Variants in ITGB6 observed in about 807,000 individuals in gnomAD.
ITGB6 encodes the protein integrin beta-6.
A neutral mutation model predicts 84.5 loss-of-function variants in ITGB6; 80 were observed. The observed-to-expected ratio is 0.95, with a 90% confidence interval of 0.79 to 1.14. The LOEUF is 1.14. Ranked by LOEUF, ITGB6 falls within the 50% of genes most tolerant of loss-of-function variation. ITGB6 has a pLI of 0.00. For synonymous variants in ITGB6, 383 were observed against 354.9 expected, an observed-to-expected ratio of 1.08 and a Z score of -0.89; for missense variants, 1,006 against 968.0, an observed-to-expected ratio of 1.04 and a Z score of -0.52.
chr2:160,197,804 T>G (rs1686401836), intron 2 of ITGB6, among the ~76,000 whole-genome samples: 1 of 152,234 alleles, frequency 6.6e-6, no homozygotes, highest in Non-Finnish European at 1.5e-5. Context: ...CCTCTATTCA[T>G]AGCCTTTGCC....
At chr2:160,159,561 A>G (rs1342267972) in intron 7 of ITGB6, among the ~76,000 whole-genome samples, 1 of 152,108 alleles carries the variant, frequency 6.6e-6, no homozygotes, top group Non-Finnish European at 1.5e-5. Flanking sequence ...TTCAAGATTG[A>G]AGGGTCTGGT....
At chr2:160,193,735 T>A (rs1021289248) in intron 4 of ITGB6, among the ~76,000 whole-genome samples, 3 of 152,308 alleles carry the variant, frequency 2.0e-5, no homozygotes, top group Admixed American at 1.3e-4. Flanking sequence ...ATTCTTGGAC[T>A]GTGAACATAA....
chr2:160,130,609 C>A lies in ITGB6; in HGVS notation c.1661-4008G>T, dbSNP rs73012621. Reference sequence around the variant, plus strand: ...GATATATTTCAACTGTGTTTCATAACCTATACAATTTATAATTGACATAAT... The same window carrying A: ...GATATATTTCAACTGTGTTTCATAAACTATACAATTTATAATTGACATAAT... On this transcript the variant is annotated intron_variant, in intron 10 of 14. Coordinates refer to ENST00000283249, the MANE Select transcript of ITGB6 (RefSeq NM_000888.5). Among the ~76,000 whole-genome samples the A allele has an allele frequency of 8.8e-3, 1,334 of 152,160 alleles. 19 individuals carry two copies. The highest frequency in any genetic ancestry group is 0.03 in the African/African-American group (1,264 of 41,484).
chr2:160,130,178 G>A (rs917443286), intron 10 of ITGB6, among the ~76,000 whole-genome samples: 1 of 152,014 alleles, frequency 6.6e-6, no homozygotes, highest in Admixed American at 6.6e-5. Flanking sequence ...ACACCACGGT[G>A]AGCATTTGTG....
chr2:160,142,713 CA>C (rs752992289), intron 7 of ITGB6, among the ~76,000 whole-genome samples: 47 of 152,258 alleles, frequency 3.1e-4, no homozygotes, highest in Non-Finnish European at 5.3e-4. Flanking sequence ...TCTTTACCCA[CA>C]GTGTTTTTTC....
intron 7 of ITGB6, among the ~76,000 whole-genome samples, chr2:160,144,065 G>T (rs1310011617): frequency 6.6e-6 from 1 of 152,128 alleles, no homozygotes. Flanking sequence ...TAGAGACAAG[G>T]TCTCACTCTG....
chr2:160,161,045 T>C (rs1380381054), intron 7 of ITGB6, among the ~76,000 whole-genome samples: 3 of 152,146 alleles, frequency 2.0e-5, no homozygotes, highest in Admixed American at 6.6e-5. Flanking sequence ...GTCCTATTAA[T>C]ATAAAAAAGT....
At chr2:160,162,120 C>T (rs895392203) in intron 7 of ITGB6, among the ~76,000 whole-genome samples, 1 of 152,128 alleles carries the variant, frequency 6.6e-6, no homozygotes. Flanking sequence ...GCAGATGAAC[C>T]AATAGATAAA....
intron 12 of ITGB6, among the ~76,000 whole-genome samples, chr2:160,121,115 A>T: frequency 6.6e-6 from 1 of 152,164 alleles, no homozygotes. Flanking sequence ...TGCACCACTG[A>T]GTCAAGATGG....
rs1357163436 is a variant in ITGB6 at position 160,200,167 on chromosome 2, C to T, written c.-104G>A. On this transcript the variant is annotated 5_prime_UTR_variant, in exon 1 of 15. The change abolishes an upstream ATG in the 5' untranslated region. Transcript: ENST00000283249. ...AAAGTCTTTCTTTCTTGAAGTATAA[C>T]ATTTTAAATACTACTTACACTGCTT... is the stretch of plus-strand genomic sequence containing the variant. 5 of 868,960 alleles carry T rather than the reference C, an allele frequency of 5.8e-6. No homozygotes were observed. Among genetic ancestry groups the T allele is most frequent in the Non-Finnish European group, 9.3e-6 (5 of 535,126 alleles). The allele number at this position is 868,960 out of a possible 1,614,324, so 53.8% of individuals were successfully genotyped here.
rs181737180 is a variant in ITGB6 at position 160,137,859 on chromosome 2, A to T, written c.1243-8T>A. The T allele has an allele frequency of 8.7e-6, 14 of 1,611,502 alleles. No homozygotes were observed. Among genetic ancestry groups the T allele is most frequent in the Non-Finnish European group, 1.1e-5 (13 of 1,178,018 alleles). On this transcript the variant is annotated splice_polypyrimidine_tract_variant and splice_region_variant and intron_variant, in intron 9 of 14. Transcript: ENST00000283249. ...AGTCACGCTGAAGGAAGCCTGGAAA[A>T]GAAAATACTAATTATCTCCCTCCAT...
chr2:160,158,343 C>G (rs112480045), intron 7 of ITGB6, among the ~76,000 whole-genome samples: 1 of 152,120 alleles, frequency 6.6e-6, no homozygotes, highest in Admixed American at 6.6e-5. Flanking sequence ...AGCGAGTGCT[C>G]GGCAGCAGTA....
intron 7 of ITGB6, among the ~76,000 whole-genome samples, chr2:160,153,350 T>C (rs947282780): frequency 2.6e-5 from 4 of 152,230 alleles, no homozygotes; most frequent in Admixed American, 2.6e-4. Context: ...GGATTCCCTA[T>C]TTAATAAATG....
At position 160,172,445 on chromosome 2, in the gene ITGB6, A is replaced by T. The variant is rs537268289; in HGVS notation, c.921+124T>A. Reference sequence around the variant, plus strand: ...AGAATCGAGCTGGGGCAACTTGTTAATCCCACATTAGAAAATGTGCACTGC... The same window carrying T: ...AGAATCGAGCTGGGGCAACTTGTTATTCCCACATTAGAAAATGTGCACTGC... On this transcript the variant is annotated intron_variant, in intron 6 of 14. Transcript: ENST00000283249. 1,101 of 944,274 alleles carry T rather than the reference A, an allele frequency of 1.2e-3. 5 individuals are homozygous for T. The highest frequency in any genetic ancestry group is 2.8e-3 in the South Asian group (122 of 43,858). 58.5% of individuals were successfully genotyped at this position (944,274 alleles called of 1,614,324 possible).
chr2:160,111,093 C>T (rs77820689), intron 13 of ITGB6, among the ~76,000 whole-genome samples: 3,027 of 126,572 alleles, frequency 0.024, 42 homozygotes, highest in East Asian at 0.041. Flanking sequence ...GAACAGACAA[C>T]AGCTCAGTAA....
intron 5 of ITGB6, 91 bp from the exon 6 acceptor site, chr2:160,172,821 TA>T: frequency 1.1e-6 from 1 of 940,336 alleles, no homozygotes; most frequent in Non-Finnish European, 1.6e-6. Context: ...ATTTAGGTTA[TA>T]AAAATAATAT....
chr2:160,194,155 T>TCAAAA (rs762131868), intron 4 of ITGB6, among the ~76,000 whole-genome samples: 9 of 152,042 alleles, frequency 5.9e-5, no homozygotes, highest in African/African-American at 1.2e-4. Flanking sequence ...AAACTCCATT[T>TCAAAA]CAAAACAAAA....
At chr2:160,142,109 T>C in intron 7 of ITGB6, 38 bp from the exon 8 acceptor site, 1 of 1,330,868 alleles carries the variant, frequency 7.5e-7, no homozygotes. Context: ...CTTTGTTTCC[T>C]CATGGTAATT....
chr2:160,195,411 G>A lies in ITGB6; in HGVS notation c.551C>T (p.Pro184Leu), dbSNP rs1686292440. ...FGSFVEKPVS[P>L]FVKTTPEEIA... ...TTCTTCTGGTGTTGTTTTCACAAAAGGGGATACAGGTTTTTCCACAAAAGA... is the reference window on the plus strand; with the variant it reads ...TTCTTCTGGTGTTGTTTTCACAAAAAGGGATACAGGTTTTTCCACAAAAGA... The change falls in exon 4 of 15, where the codon CCT becomes CTT. Residue 184 changes from proline to leucine, a missense_variant. Physicochemically the swap from Pro to Leu is moderately conservative, Grantham distance 98 (BLOSUM62 -3). Coordinates refer to ENST00000283249, the MANE Select transcript of ITGB6 (RefSeq NM_000888.5). The A allele has an allele frequency of 1.2e-6, 2 of 1,614,180 alleles. No homozygotes were observed. Among genetic ancestry groups the A allele is most frequent in the Non-Finnish European group, 1.7e-6 (2 of 1,180,002 alleles).
Sources: allele counts gnomAD v4.1 joint callset (sites outside exome capture counted in the v4.1 genomes callset), GRCh38; gene constraint gnomAD v4.1.1; transcripts MANE v1.5; gene names NCBI Gene and HGNC (gene_info 2026-07-23, HGNC 2026-07-21).